ULK4: variants seen among roughly 807,000 people sequenced by gnomAD.
ULK4 encodes the protein inactive serine/threonine-protein kinase ULK4.
A neutral mutation model predicts 160.6 loss-of-function variants in ULK4; 133 were observed. That is an observed-to-expected ratio of 0.83 (90% CI 0.72 to 0.96). The LOEUF is 0.96. Among genes scored for constraint, ULK4 ranks in the 40% least tolerant of loss-of-function variants. The pLI is 0.00. For missense variants in ULK4, 1,580 were observed against 1,499.5 expected (o/e 1.05, Z -0.89); for synonymous variants, 534 against 539.8 (o/e 0.99, Z 0.15).
At chr3:41,878,350 G>A (rs548118085) in intron 17 of ULK4, among the ~76,000 whole-genome samples, 44 of 152,238 alleles carry the variant, frequency 2.9e-4, no homozygotes, top group African/African-American at 9.9e-4. Context: ...ACTAATGACT[G>A]CAAAGGACTA....
chr3:41,931,725 T>C, intron 5 of ULK4, 119 bp downstream of exon 5: 2 of 1,253,514 alleles, frequency 1.6e-6, no homozygotes, highest in Non-Finnish European at 2.3e-6. Flanking sequence ...TGCTGGTCAT[T>C]ACCATTTTCA....
At chr3:41,363,559 C>G (rs1047398989) in intron 35 of ULK4, among the ~76,000 whole-genome samples, 4 of 152,176 alleles carry the variant, frequency 2.6e-5, no homozygotes, top group African/African-American at 9.7e-5. Context: ...TTCTAGTTCA[C>G]CCAACACTGA....
At chr3:41,416,146 T>C (rs1045328603) in intron 34 of ULK4, among the ~76,000 whole-genome samples, 1 of 152,192 alleles carries the variant, frequency 6.6e-6, no homozygotes, top group Non-Finnish European at 1.5e-5. Flanking sequence ...TAAAAGGATT[T>C]GGGTCTAGGA....
chr3:41,300,347 G>A (rs1369246798), intron 35 of ULK4, among the ~76,000 whole-genome samples: 1 of 152,072 alleles, frequency 6.6e-6, no homozygotes, highest in African/African-American at 2.4e-5. Flanking sequence ...GAAACTGCTG[G>A]GTATTTGCTT....
At chr3:41,875,044 G>A (rs1306945734) in intron 17 of ULK4, among the ~76,000 whole-genome samples, 1 of 152,134 alleles carries the variant, frequency 6.6e-6, no homozygotes, top group Non-Finnish European at 1.5e-5. Context: ...GTCAGGCATG[G>A]TGATGTGTAC....
chr3:41,279,915 C>A lies in ULK4; in HGVS notation c.3679-30341G>T, dbSNP rs952532930. Among the ~76,000 whole-genome samples the A allele has an allele frequency of 6.4e-4, 97 of 152,122 alleles. 1 individual carries two copies. The highest frequency in any genetic ancestry group is 5.0e-3 in the Admixed American group (76 of 15,268). On this transcript the variant is annotated intron_variant, in intron 35 of 36. Coordinates refer to ENST00000301831, the MANE Select transcript of ULK4 (RefSeq NM_017886.4). ...GAAACCCATCTCATGTGCAGAGACA[C>A]ACATAGACTCAAAATAAAGGGATGC... is the stretch of plus-strand genomic sequence containing the variant.
chr3:41,702,649 A>G (rs1030659156), intron 27 of ULK4, among the ~76,000 whole-genome samples: 4 of 152,154 alleles, frequency 2.6e-5, no homozygotes, highest in African/African-American at 9.7e-5. Context: ...CTTCACAATG[A>G]TACAAGGCTG....
chr3:41,759,475 TAAAGA>T (rs1404305399), intron 21 of ULK4, among the ~76,000 whole-genome samples: 1 of 152,158 alleles, frequency 6.6e-6, no homozygotes, highest in African/African-American at 2.4e-5. Flanking sequence ...AAATAGTGAT[TAAAGA>T]AAACTTTTTA....
intron 27 of ULK4, among the ~76,000 whole-genome samples, chr3:41,703,167 G>T (rs1271101567): frequency 6.6e-6 from 1 of 151,860 alleles, no homozygotes; most frequent in African/African-American, 2.4e-5. Context: ...GACAAGATGT[G>T]AACAAGATAA....
chr3:41,633,113 G>T (rs1201184784), intron 30 of ULK4, among the ~76,000 whole-genome samples: 1 of 152,218 alleles, frequency 6.6e-6, no homozygotes, highest in African/African-American at 2.4e-5. Context: ...GAAAGATCCA[G>T]CTAGAAGAGT....
At chr3:41,548,823 T>G (rs1795361) in intron 32 of ULK4, among the ~76,000 whole-genome samples, 77,609 of 151,842 alleles carry the variant, frequency 0.51, 19,938 homozygotes, top group Middle Eastern at 0.57. Flanking sequence ...CCACCACCAG[T>G]CTGGCCTGAG....
At chr3:41,828,552 CAA>C (rs2041455008) in intron 18 of ULK4, among the ~76,000 whole-genome samples, 1 of 135,638 alleles carries the variant, frequency 7.4e-6, no homozygotes, top group Non-Finnish European at 1.5e-5. Context: ...ACAACTGCTT[CAA>C]AGAGAATAAA....
At chr3:41,647,834 T>C (rs1559459552) in intron 30 of ULK4, among the ~76,000 whole-genome samples, 2 of 152,202 alleles carry the variant, frequency 1.3e-5, no homozygotes, top group African/African-American at 4.8e-5. Flanking sequence ...CTCCTTGAGC[T>C]GTGGTGGGCT....
At chr3:41,958,219 G>A (rs1239604911) in intron 1 of ULK4, among the ~76,000 whole-genome samples, 2 of 152,124 alleles carry the variant, frequency 1.3e-5, no homozygotes, top group Non-Finnish European at 2.9e-5. Flanking sequence ...TGTGTCCGCT[G>A]ATACATGGAT....
At chr3:41,302,917 T>C (rs1248210650) in intron 35 of ULK4, among the ~76,000 whole-genome samples, 1 of 152,124 alleles carries the variant, frequency 6.6e-6, no homozygotes, top group Admixed American at 6.5e-5. Context: ...TCTAATTCAA[T>C]ATGGGAGAAT....
intron 35 of ULK4, among the ~76,000 whole-genome samples, chr3:41,281,294 T>A (rs894693204): frequency 2.6e-5 from 4 of 152,164 alleles, no homozygotes; most frequent in African/African-American, 9.7e-5. Context: ...CCTCCCTAAC[T>A]CATTTTATGA....
intron 34 of ULK4, among the ~76,000 whole-genome samples, chr3:41,434,397 T>G (rs933850405): frequency 6.6e-6 from 1 of 152,198 alleles, no homozygotes; most frequent in Admixed American, 6.5e-5. Context: ...ATATATACTA[T>G]GATTTCATTA....
intron 32 of ULK4, among the ~76,000 whole-genome samples, chr3:41,524,691 G>A (rs561165049): frequency 2.6e-5 from 4 of 152,246 alleles, no homozygotes; most frequent in African/African-American, 9.6e-5. Flanking sequence ...TGTAATCCCA[G>A]CACTTTGGGA....
chr3:41,762,571 G>C (rs1218765278), intron 21 of ULK4, among the ~76,000 whole-genome samples: 1 of 151,466 alleles, frequency 6.6e-6, no homozygotes, highest in Non-Finnish European at 1.5e-5. Flanking sequence ...AGGAAACTTA[G>C]AGTCATGGTA....
Sources: allele counts gnomAD v4.1 joint callset (sites outside exome capture counted in the v4.1 genomes callset), GRCh38; gene constraint gnomAD v4.1.1; transcripts MANE v1.5; gene names NCBI Gene and HGNC (gene_info 2026-07-23, HGNC 2026-07-21).